The following CTSB variants were observed in gnomAD, a reference collection of about 807,000 sequenced individuals.
The protein encoded by CTSB is APP secretase.
CTSB carries 57 observed loss-of-function variants against 44.3 expected under a neutral mutation model. The ratio of observed to expected loss-of-function variants is 1.29; its 90% CI spans 1.04 to 1.60. The LOEUF is 1.60. CTSB is among the 40% of genes most tolerant of loss of function. CTSB has a pLI of 0.00. For missense variants in CTSB, 768 were observed against 443.0 expected (o/e 1.73, Z -6.59); for synonymous variants, 320 against 168.0 (o/e 1.91, Z -7.00).
chr8:11,854,008 CCT>C (rs1563412002), intron 1 of CTSB, among the ~76,000 whole-genome samples: 1 of 152,156 alleles, frequency 6.6e-6, no homozygotes, highest in African/African-American at 2.4e-5. Context: ...ACTCCCGGGG[CCT>C]CTCTGGTTTT....
rs1344988295 is a variant in CTSB at position 11,844,144 on chromosome 8, G to C, written c.*981C>G. 6.6e-6 allele frequency: 1 copy of C among 152,132 alleles called. No individual in the cohort carries two copies. The highest frequency in any genetic ancestry group is 2.4e-5 in the African/African-American group (1 of 41,356). 9.4% of individuals were successfully genotyped at this position (152,132 alleles called of 1,614,324 possible). A position where few individuals can be genotyped will look rare whatever the true frequency, so the allele number is the denominator to read the frequency against. On this transcript the variant is annotated 3_prime_UTR_variant, in exon 10 of 10. Transcript: ENST00000353047. ...GACGAGGATGACAGGGAACTAATTG[G>C]GGGAGGGATGCCATGGTTGAAAACA...
intron 1 of CTSB, among the ~76,000 whole-genome samples, chr8:11,861,061 C>A (rs1020769036): frequency 6.6e-6 from 1 of 152,210 alleles, no homozygotes; most frequent in African/African-American, 2.4e-5. Flanking sequence ...TGATGTGTTA[C>A]GTCTTTGCCC....
At position 11,847,737 on chromosome 8, in the gene CTSB, C is replaced by A; in HGVS notation, c.618G>T (p.Lys206Asn). ...AGCCAGGCTCACAGATCTTGCTACA[C>A]TTGGGGGTATCTCCCTCCCCCGTGC... ...PPCTGEGDTP[K>N]CSKICEPGYS... The change falls in exon 7 of 10, where the codon AAG (lysine) becomes AAT (asparagine). Residue 206 changes from lysine to asparagine, a missense_variant. By Grantham distance (94) the Lys-to-Asn change is moderately conservative (BLOSUM62 0). Transcript: ENST00000353047. 6.2e-7 allele frequency: 1 copy of A among 1,600,904 alleles called. No homozygotes were observed. The highest frequency in any genetic ancestry group is 1.1e-5 in the South Asian group (1 of 89,260).
chr8:11,864,318 G>GGA (rs757262198), intron 1 of CTSB: 22 of 45,578 alleles, frequency 4.8e-4, no homozygotes, highest in Admixed American at 2.2e-3. Context: ...CTCTACCAAC[G>GGA]AAAAAAAAAA....
chr8:11,845,247 T>C (rs1813050629), intron 9 of CTSB, 25 bp from the exon 10 acceptor site: 1 of 1,565,362 alleles, frequency 6.4e-7, no homozygotes, highest in Admixed American at 1.7e-5. Context: ...TAAGGTGCTT[T>C]TAAAGTGTGA....
intron 5 of CTSB, chr8:11,848,445 C>G: frequency 1.9e-6 from 1 of 514,326 alleles, no homozygotes; most frequent in South Asian, 1.8e-5. Context: ...CCGGGTAGAA[C>G]ACTGATTCTC....
rs1275558475 is a variant in CTSB, at chr8:11,844,815, T to TG, written c.*309dup. 3.1e-6 allele frequency: 1 copy of TG among 327,518 alleles called. No homozygotes were observed. The highest frequency in any genetic ancestry group is 5.7e-6 in the Non-Finnish European group (1 of 175,068). 20.3% of individuals were successfully genotyped at this position (327,518 alleles called of 1,614,324 possible). A position where few individuals can be genotyped will look rare whatever the true frequency, so the allele number is the denominator to read the frequency against. On this transcript the variant is annotated 3_prime_UTR_variant, in exon 10 of 10. Coordinates refer to ENST00000353047, the MANE Select transcript of CTSB (RefSeq NM_001908.5). ...GCTTTCCATTCCTGCGTCTCTGTCT[T>TG]GCTCCCTGGAGATGGATGGATCACG...
intron 8 of CTSB, chr8:11,846,513 G>C (rs576242783): frequency 6.5e-6 from 1 of 152,742 alleles, no homozygotes; most frequent in Admixed American, 6.5e-5. Flanking sequence ...GACAGGACTT[G>C]GGGATGGGGA....
chr8:11,845,877 G>GGAAGGAGAAACAGCTTCCAGAGGGAACCT, intron 8 of CTSB, 88 bp from the exon 9 acceptor site: 1 of 1,444,424 alleles, frequency 6.9e-7, no homozygotes, highest in Non-Finnish European at 9.2e-7. Context: ...TCATGCTCCG[G>GGAAGGAGAAACAGCTTCCAGAGGGAACCT]GAAGGAGAAA....
At chr8:11,846,817 G>A (rs1004019758) in intron 8 of CTSB, among the ~76,000 whole-genome samples, 1 of 152,132 alleles carries the variant, frequency 6.6e-6, no homozygotes, top group Non-Finnish European at 1.5e-5. Context: ...TAGCCCAGAG[G>A]CTCTGGGAGA....
At chr8:11,848,704 A>C (rs555836793) in intron 5 of CTSB, 2 of 302,516 alleles carry the variant, frequency 6.6e-6, no homozygotes, top group East Asian at 7.9e-5. Context: ...ATCCCCGCTA[A>C]CTACACATAA....
chr8:11,844,847 G>GC lies in CTSB; in HGVS notation c.*277dup, dbSNP rs200540659. Reference sequence around the variant, plus strand: ...TGGAGATGGATGGATCACGGAGGGGGCCACAGTCAGCTGGGGCAGCAGGTA... The same window carrying GC: ...TGGAGATGGATGGATCACGGAGGGGGCCCACAGTCAGCTGGGGCAGCAGGTA... On this transcript the variant is annotated 3_prime_UTR_variant, in exon 10 of 10. Transcript: ENST00000353047. 344 of 412,778 alleles carry GC rather than the reference G, an allele frequency of 8.3e-4. 2 individuals carry two copies. Among genetic ancestry groups the GC allele is most frequent in the African/African-American group, 5.8e-3 (296 of 50,820 alleles). 25.6% of individuals were successfully genotyped at this position (412,778 alleles called of 1,614,324 possible).
intron 1 of CTSB, chr8:11,853,841 G>C (rs905682401): frequency 5.7e-6 from 1 of 174,058 alleles, no homozygotes; most frequent in Non-Finnish European, 1.2e-5. Flanking sequence ...GAGCCTGTCT[G>C]TGTGATTACA....
chr8:11,845,525 AC>A (rs1813130219), intron 9 of CTSB, 135 bp downstream of exon 9: 1 of 1,076,886 alleles, frequency 9.3e-7, no homozygotes, highest in Non-Finnish European at 1.3e-6. Flanking sequence ...ACTGCCTGGC[AC>A]TTAGGAGGAG....
intron 1 of CTSB, among the ~76,000 whole-genome samples, chr8:11,856,473 C>T (rs184793906): frequency 4.1e-4 from 63 of 151,904 alleles, no homozygotes; most frequent in African/African-American, 1.3e-3. Context: ...ATTAGCCAGG[C>T]GTGGTGGCGC....
chr8:11,848,440 T>C (rs984078233), intron 5 of CTSB: 1 of 526,692 alleles, frequency 1.9e-6, no homozygotes. Flanking sequence ...CCCTTCCGGG[T>C]AGAACACTGA....
chr8:11,847,694 G>A lies in CTSB; in HGVS notation c.661C>T (p.Gln221Ter). The change falls in exon 7 of 10, where the codon CAG (glutamine) becomes TAG (stop). Residue 221 changes from glutamine to a stop codon, truncating the protein, a stop_gained. Transcript: ENST00000353047. LOFTEE classifies it high-confidence loss of function. ...CEPGYSPTYK[Q>*]DKHYGYNSYS... Reference sequence around the variant, plus strand: ...GGCCCCTTACCGTAGTGCTTGTCCTGTTTGTAGGTCGGGCTGTAGCCAGGC... The same window carrying A: ...GGCCCCTTACCGTAGTGCTTGTCCTATTTGTAGGTCGGGCTGTAGCCAGGC... The A allele has an allele frequency of 1.3e-6, 2 of 1,574,000 alleles. No homozygotes were observed. Among genetic ancestry groups the A allele is most frequent in the Non-Finnish European group, 8.6e-7 (1 of 1,162,804 alleles).
intron 1 of CTSB, among the ~76,000 whole-genome samples, chr8:11,856,807 G>A (rs544738236): frequency 8.6e-5 from 13 of 151,826 alleles, no homozygotes; most frequent in African/African-American, 3.1e-4. Context: ...ACGGCAGTCG[G>A]TCACTACGGT....
rs778862896 is a variant in CTSB at position 11,844,881 on chromosome 8, G to A, written c.*244C>T. On this transcript the variant is annotated 3_prime_UTR_variant, in exon 10 of 10. Transcript: ENST00000353047. ...AGCTGGGGCAGCAGGTACTCCCTAC[G>A]GCACTAGTCTACAGGGGGAAGGACG... 1.4e-5 allele frequency: 7 copies of A among 511,758 alleles called. No individual in the cohort carries two copies. Among genetic ancestry groups the A allele is most frequent in the Middle Eastern group, 5.3e-4 (1 of 1,894 alleles). 31.7% of individuals were successfully genotyped at this position (511,758 alleles called of 1,614,324 possible).
Sources: gnomAD v4.1 joint callset for allele counts (sites outside exome capture counted in the v4.1 genomes callset) on GRCh38, gnomAD v4.1.1 for gene constraint, MANE v1.5 for transcripts, NCBI Gene and HGNC (gene_info 2026-07-23, HGNC 2026-07-21) for gene names.